SLC12A7: variants seen among roughly 807,000 people sequenced by gnomAD.
SLC12A7 encodes solute carrier family 12 member 7.
In SLC12A7, 100 loss-of-function variants were observed where a neutral mutation model predicts 120.6. The observed-to-expected ratio is 0.83, with a 90% CI of 0.71 to 0.98. The LOEUF (loss-of-function observed/expected upper bound fraction) is 0.98. Ranked by LOEUF, SLC12A7 falls within the 50% of genes least tolerant of loss-of-function variation. The probability of loss-of-function intolerance (pLI) is 0.00; values close to 1 mark genes in which losing one functional copy is unlikely to be tolerated. For missense variants in SLC12A7, 1,373 were observed against 1,548.1 expected (o/e 0.89, Z 1.90); for synonymous variants, 760 against 678.0 (o/e 1.12, Z -1.88).
At chr5:1,059,469 CAG>C (rs1261718459) in intron 21 of SLC12A7, among the ~76,000 whole-genome samples, 1 of 152,218 alleles carries the variant, frequency 6.6e-6, no homozygotes, top group Non-Finnish European at 1.5e-5. Context: ...ACCTGGTCTG[CAG>C]ACACACGTGT....
At chr5:1,064,376 C>T in intron 18 of SLC12A7, 124 bp from the exon 19 acceptor site, 2 of 1,085,218 alleles carry the variant, frequency 1.8e-6, no homozygotes, top group Non-Finnish European at 2.6e-6. Context: ...ACAAAGCCCC[C>T]ACCCTCACTC....
At chr5:1,100,693 A>C (rs1741929001) in intron 1 of SLC12A7, among the ~76,000 whole-genome samples, 1 of 152,206 alleles carries the variant, frequency 6.6e-6, no homozygotes, top group Admixed American at 6.5e-5. Context: ...CCTCCCCGAA[A>C]CACTCAGCTG....
At chr5:1,119,224 C>T in the SLC12A7 span, among the ~76,000 whole-genome samples, 4 of 152,226 alleles carry the variant, frequency 2.6e-5, no homozygotes, top group African/African-American at 9.6e-5. Flanking sequence ...GCACAACCTC[C>T]CCTGCGTTTT....
the SLC12A7 span, among the ~76,000 whole-genome samples, chr5:1,145,035 C>A: frequency 6.6e-6 from 1 of 152,260 alleles, no homozygotes; most frequent in African/African-American, 2.4e-5. This position sits in a 1 kb window ranked among gnomAD's most constrained non-coding sequence, Gnocchi z 4.4. Flanking sequence ...GGGGAAGGAG[C>A]ATGTGCTGTC....
At chr5:1,155,436 G>GGACGGCGTCCCCACCGCCCCC in the SLC12A7 span, among the ~76,000 whole-genome samples, 1 of 152,108 alleles carries the variant, frequency 6.6e-6, no homozygotes, top group East Asian at 2.0e-4. Flanking sequence ...CCATCCCCGC[G>GGACGGCGTCCCCACCGCCCCC]GCCCCTGCCC....
At chr5:1,155,684 G>C in the SLC12A7 span, among the ~76,000 whole-genome samples, 8 of 151,098 alleles carry the variant, frequency 5.3e-5, no homozygotes, top group Non-Finnish European at 1.0e-4. Context: ...CGTAGCGGCC[G>C]GGCTCGCGGC....
intron 17 of SLC12A7, among the ~76,000 whole-genome samples, chr5:1,066,335 C>T (rs1299466146): frequency 6.6e-6 from 1 of 152,298 alleles, no homozygotes; most frequent in African/African-American, 2.4e-5. Flanking sequence ...ATTTCACTGG[C>T]TTCTGGTTTG....
At chr5:1,052,992 T>C (rs975522997) in intron 23 of SLC12A7, among the ~76,000 whole-genome samples, 65 of 152,188 alleles carry the variant, frequency 4.3e-4, no homozygotes, top group African/African-American at 1.6e-3. Context: ...CCTCCCACCG[T>C]TGTCGGCGCA....
intron 2 of SLC12A7, 76 bp downstream of exon 2, chr5:1,094,078 G>A (rs1740842561): frequency 2.4e-6 from 3 of 1,231,976 alleles, no homozygotes; most frequent in Non-Finnish European, 3.6e-6. Context: ...CGGCCTGGGG[G>A]CCCCCAGGGG....
chr5:1,057,619 A>AC lies in SLC12A7; in HGVS notation c.2877dup (p.Ser960ValfsTer30). 6.2e-7 allele frequency: 1 copy of AC among 1,604,012 alleles called. No individual in the cohort carries two copies. The highest frequency in any genetic ancestry group is 8.5e-7 in the Non-Finnish European group (1 of 1,179,588). On this transcript the variant is annotated frameshift_variant, in exon 22 of 24. Transcript: ENST00000264930. LOFTEE classifies it high-confidence loss of function. ...GTCCTGGCTGCCGCCGCGGTGTGGG[A>AC]CGCGGTGTTCCTGTCGTGGATCAGC...
At chr5:1,057,260 C>T (rs1176789527) in intron 22 of SLC12A7, 8 of 539,442 alleles carry the variant, frequency 1.5e-5, no homozygotes, top group Middle Eastern at 4.7e-4. Flanking sequence ...GATCCCTCAG[C>T]GCCCGGCCAC....
At chr5:1,121,295 T>C in the SLC12A7 span, among the ~76,000 whole-genome samples, 2 of 152,372 alleles carry the variant, frequency 1.3e-5, no homozygotes, top group African/African-American at 2.4e-5. Context: ...TGGAGTTCCC[T>C]GTGTCGGTCC....
chr5:1,059,772 TG>T (rs1313554168), intron 21 of SLC12A7, among the ~76,000 whole-genome samples: 1 of 50,732 alleles, frequency 2.0e-5, no homozygotes, highest in Non-Finnish European at 3.8e-5. Context: ...GGGTGGGGGG[TG>T]GGGGGGTTGG....
chr5:1,142,217 T>C, the SLC12A7 span, among the ~76,000 whole-genome samples: 2 of 150,680 alleles, frequency 1.3e-5, no homozygotes, highest in Non-Finnish European at 2.9e-5. Context: ...AGCCCAGCCC[T>C]ATAAGCCCTG....
chr5:1,149,991 TTG>T, the SLC12A7 span, among the ~76,000 whole-genome samples: 2 of 151,982 alleles, frequency 1.3e-5, no homozygotes, highest in South Asian at 4.2e-4. Flanking sequence ...GATCGTGCCA[TTG>T]CACTCCAGCC....
At chr5:1,066,766 C>CGCCCGGGG (rs1314587620) in intron 17 of SLC12A7, among the ~76,000 whole-genome samples, 1 of 152,180 alleles carries the variant, frequency 6.6e-6, no homozygotes, top group East Asian at 1.9e-4. Context: ...CGCCCAGGGT[C>CGCCCGGGG]GCCCGGGGGC....
At chr5:1,075,888 C>T in intron 14 of SLC12A7, 1 of 533,638 alleles carries the variant, frequency 1.9e-6, no homozygotes, top group Non-Finnish European at 3.3e-6. Flanking sequence ...CACATGCAGA[C>T]ACCTGGGCAT....
intron 21 of SLC12A7, 53 bp from the exon 22 acceptor site, chr5:1,057,702 G>A (rs1239337694): frequency 3.2e-5 from 49 of 1,520,102 alleles, no homozygotes; most frequent in South Asian, 2.1e-4. Flanking sequence ...TCCTCTGGGC[G>A]AGAGCGACCC....
the SLC12A7 span, among the ~76,000 whole-genome samples, chr5:1,125,890 A>C: frequency 7.0e-6 from 1 of 143,108 alleles, no homozygotes. Flanking sequence ...ACATCACTGC[A>C]CTCTAGCCTG....
Sources: allele counts gnomAD v4.1 joint callset (sites outside exome capture counted in the v4.1 genomes callset), GRCh38; gene constraint gnomAD v4.1.1; non-coding constraint Gnocchi (gnomAD v3.1); transcripts MANE v1.5; gene names NCBI Gene and HGNC (gene_info 2026-07-23, HGNC 2026-07-21).